The following TRAP1 variants were observed in gnomAD, a reference collection of about 807,000 sequenced individuals.
TRAP1 encodes heat shock protein 75 kDa, mitochondrial.
TRAP1 carries 102 observed loss-of-function variants against 89.1 expected under a neutral mutation model. The observed-to-expected ratio is 1.15, with a 90% CI of 0.98 to 1.35. TRAP1 has a LOEUF of 1.35. Among genes scored for constraint, TRAP1 ranks in the 40% most tolerant of loss-of-function variants. The pLI, the probability that TRAP1 is intolerant of heterozygous loss-of-function variation, is 0.00. For synonymous variants in TRAP1, 508 were observed against 388.0 expected, an observed-to-expected ratio of 1.31 and a Z score of -3.64; for missense variants, 1,256 against 945.3, an observed-to-expected ratio of 1.33 and a Z score of -4.31.
chr16:3,697,203 C>T (rs1639150), intron 1 of TRAP1, among the ~76,000 whole-genome samples: 74,408 of 152,044 alleles, frequency 0.49, 18,519 homozygotes, highest in East Asian at 0.62. Flanking sequence ...ATTTTCACTG[C>T]AGTTTTCACT....
chr16:3,663,871 A>G (rs117203957), intron 13 of TRAP1: 20,787 of 384,146 alleles, frequency 0.054, 719 homozygotes, highest in Non-Finnish European at 0.063. Context: ...CAGGAGTTCG[A>G]GACCAACATG....
intron 4 of TRAP1, among the ~76,000 whole-genome samples, chr16:3,683,409 G>A (rs1013599994): frequency 2.7e-5 from 4 of 145,456 alleles, no homozygotes; most frequent in Non-Finnish European, 6.0e-5. Context: ...TTTTTGAGAC[G>A]AGTTTCACTC....
In TRAP1 at chr16:3,658,094, C is replaced by T. The variant is rs913565386; in HGVS notation, c.*35G>A. 7.4e-6 allele frequency: 12 copies of T among 1,611,340 alleles called. No individual in the cohort carries two copies. Among genetic ancestry groups the T allele is most frequent in the African/African-American group, 4.0e-5 (3 of 74,852 alleles). On this transcript the variant is annotated 3_prime_UTR_variant, in exon 18 of 18. Transcript: ENST00000246957. ...ATAAAGCTCAAGGAGGTGGGGCTGT[C>T]ATCTGTGGTGTCAGTCCTTCTGGCC... is the stretch of plus-strand genomic sequence containing the variant.
intron 13 of TRAP1, 65 bp downstream of exon 13, chr16:3,664,209 T>G: frequency 6.9e-7 from 1 of 1,453,710 alleles, no homozygotes; most frequent in African/African-American, 1.4e-5. Flanking sequence ...AGCACAGAGC[T>G]GAGAAGGTCA....
intron 15 of TRAP1, 116 bp from the exon 16 acceptor site, chr16:3,662,248 G>A (rs1404393374): frequency 3.2e-6 from 4 of 1,244,446 alleles, no homozygotes; most frequent in African/African-American, 3.0e-5. Flanking sequence ...GGGTCTCAAG[G>A]ACTCCCCTGG....
chr16:3,681,846 A>C (rs535572364), intron 4 of TRAP1, among the ~76,000 whole-genome samples: 270 of 152,360 alleles, frequency 1.8e-3, no homozygotes, highest in African/African-American at 5.4e-3. Context: ...GGTTTTGTAG[A>C]AAATGACAAG....
Position 3,685,869 on chromosome 16 carries a change from T to C in TRAP1, c.471+127A>G, listed in dbSNP as rs1029924587. 14 of 1,228,642 alleles carry C rather than the reference T, an allele frequency of 1.1e-5. No individual in the cohort carries two copies. In the African/African-American group the frequency reaches 2.0e-4, roughly 17 times the overall value. 76.1% of individuals were successfully genotyped at this position (1,228,642 alleles called of 1,614,324 possible). On this transcript the variant is annotated intron_variant, in intron 4 of 17. Coordinates refer to ENST00000246957, the MANE Select transcript of TRAP1 (RefSeq NM_016292.3). ...TGAGTGCTACTGTAACACTAAATTA[T>C]AGCCAGAGTTATCCTGGTGGTACGG...
chr16:3,658,074 G>A lies in TRAP1; in HGVS notation c.*55C>T. 6.2e-7 allele frequency: 1 copy of A among 1,609,608 alleles called. No individual in the cohort carries two copies. The highest frequency in any genetic ancestry group is 8.5e-7 in the Non-Finnish European group (1 of 1,176,852). ...ATACCTTTAAATTTAGGTAAATAAAGCTCAAGGAGGTGGGGCTGTCATCTG... is the reference window on the plus strand; with the variant it reads ...ATACCTTTAAATTTAGGTAAATAAAACTCAAGGAGGTGGGGCTGTCATCTG... On this transcript the variant is annotated 3_prime_UTR_variant, in exon 18 of 18. Coordinates refer to ENST00000246957, the MANE Select transcript of TRAP1 (RefSeq NM_016292.3).
Position 3,690,808 on chromosome 16 carries a change from A to C in TRAP1, c.247+19T>G. On this transcript the variant is annotated intron_variant, in intron 2 of 17. Coordinates refer to ENST00000246957, the MANE Select transcript of TRAP1 (RefSeq NM_016292.3). ...TGAACCAAAAAGCCCTCCCAGACCA[A>C]AGCACGAGCCAAGGCTACCCTGCAC... 1 of 1,375,302 alleles carries C rather than the reference A, an allele frequency of 7.3e-7. No individual in the cohort carries two copies. The highest frequency in any genetic ancestry group is 9.5e-7 in the Non-Finnish European group (1 of 1,051,682). The allele number at this position is 1,375,302 out of a possible 1,614,324, so 85.2% of individuals were successfully genotyped here. A position where few individuals can be genotyped will look rare whatever the true frequency, so the allele number is the denominator to read the frequency against.
At position 3,679,741 on chromosome 16, in the gene TRAP1, G is replaced by A. The variant is rs766273732; in HGVS notation, c.521C>T (p.Thr174Met). The A allele has an allele frequency of 4.0e-5, 64 of 1,613,976 alleles. No homozygotes were observed. The highest frequency in any genetic ancestry group is 5.2e-5 in the Non-Finnish European group (61 of 1,180,020). ...TACCTTTGACCCCGATCTGGCAATC[G>A]TCCCCAGGTTGGACACCAGCTCTTC... ...TQEELVSNLG[T>M]IARSGSKAFL... Residue 174 changes from threonine to methionine, a missense_variant, in exon 5 of 18, where the codon ACG (threonine) becomes ATG (methionine). Physicochemically the swap from Thr to Met is moderately conservative, Grantham distance 81. Transcript: ENST00000246957.
chr16:3,671,948 G>A (rs929457773), intron 10 of TRAP1, among the ~76,000 whole-genome samples, 157 bp from the exon 11 acceptor site: 1 of 152,232 alleles, frequency 6.6e-6, no homozygotes, highest in East Asian at 1.9e-4. Context: ...CTTCCTCTAC[G>A]TCCTGCCACC....
intron 1 of TRAP1, among the ~76,000 whole-genome samples, chr16:3,700,261 G>A (rs570968112): frequency 3.3e-5 from 5 of 149,588 alleles, no homozygotes; most frequent in South Asian, 4.3e-4. Context: ...TCCTCCTCCC[G>A]GGTTCAAGCG....
intron 6 of TRAP1, chr16:3,677,059 G>GAA (rs80038367): frequency 3.0e-4 from 26 of 87,434 alleles, no homozygotes; most frequent in Admixed American, 7.3e-4. Context: ...CGTCCCAAAG[G>GAA]AAAAAAAAAA....
chr16:3,701,961 A>G (rs939847813), intron 1 of TRAP1, among the ~76,000 whole-genome samples: 2 of 152,218 alleles, frequency 1.3e-5, no homozygotes, highest in African/African-American at 4.8e-5. Flanking sequence ...CTGTTATCCC[A>G]GCACTTTGGG....
intron 4 of TRAP1, among the ~76,000 whole-genome samples, chr16:3,682,343 G>A (rs1596723139): frequency 6.8e-6 from 1 of 147,286 alleles, no homozygotes; most frequent in Non-Finnish European, 1.5e-5. Flanking sequence ...TTGAGCCCAG[G>A]AGTTTGACAC....
intron 1 of TRAP1, among the ~76,000 whole-genome samples, chr16:3,696,186 C>G (rs1328529017): frequency 2.6e-5 from 4 of 152,102 alleles, no homozygotes; most frequent in Admixed American, 2.0e-4. Flanking sequence ...TACCTGGCAG[C>G]CAGATCTTGG....
intron 13 of TRAP1, chr16:3,663,910 A>G (rs939951945): frequency 8.6e-6 from 3 of 350,008 alleles, no homozygotes; most frequent in Middle Eastern, 8.5e-4. Context: ...TAAAAATACA[A>G]AAATTTGCTG....
intron 2 of TRAP1, 91 bp from the exon 3 acceptor site, chr16:3,689,228 T>G: frequency 1.7e-6 from 2 of 1,163,802 alleles, no homozygotes; most frequent in Admixed American, 5.1e-5. Flanking sequence ...AAGCTTAAGT[T>G]TATGAGTTTT....
intron 12 of TRAP1, chr16:3,665,305 G>C (rs913689085): frequency 6.6e-6 from 1 of 152,272 alleles, no homozygotes; most frequent in African/African-American, 2.4e-5. Flanking sequence ...CACCAGCACG[G>C]GATGGGCTCC....
Sources: gnomAD v4.1 joint callset for allele counts (sites outside exome capture counted in the v4.1 genomes callset) on GRCh38, gnomAD v4.1.1 for gene constraint, MANE v1.5 for transcripts, NCBI Gene and HGNC (gene_info 2026-07-23, HGNC 2026-07-21) for gene names.